Variants in WDR49 observed in about 807,000 individuals in gnomAD.
The protein encoded by WDR49 is WD repeat domain 49.
Under a neutral mutation model 119.5 loss-of-function variants are expected in WDR49, and 107 were observed. That is an observed-to-expected ratio of 0.90 (90% confidence interval 0.77 to 1.05). The LOEUF (loss-of-function observed/expected upper bound fraction) is 1.05. Among genes scored for constraint, WDR49 ranks in the 50% least tolerant of loss-of-function variants. The pLI is 0.00. For synonymous variants in WDR49, 425 were observed against 418.8 expected, an observed-to-expected ratio of 1.01 and a Z score of -0.18; for missense variants, 1,240 against 1,220.5, an observed-to-expected ratio of 1.02 and a Z score of -0.24.
intron 15 of WDR49, among the ~76,000 whole-genome samples, chr3:167,526,991 A>G (rs1205136110): frequency 6.6e-6 from 1 of 152,188 alleles, no homozygotes; most frequent in Non-Finnish European, 1.5e-5. Flanking sequence ...CACAAATGGA[A>G]CAGGAAAAGT....
chr3:167,536,848 G>T (rs777731967), intron 11 of WDR49, 22 bp downstream of exon 11: 1 of 1,462,960 alleles, frequency 6.8e-7, no homozygotes, highest in Admixed American at 2.4e-5. Flanking sequence ...ACCAATGATT[G>T]TCAAGTGAAA....
At chr3:167,521,998 A>G (rs1388205555) in intron 16 of WDR49, among the ~76,000 whole-genome samples, 1 of 146,148 alleles carries the variant, frequency 6.8e-6, no homozygotes, top group Non-Finnish European at 1.5e-5. Context: ...AGATAGATAG[A>G]TAGATAGATA....
chr3:167,604,192 T>C, intron 6 of WDR49, 109 bp downstream of exon 6: 3 of 1,257,774 alleles, frequency 2.4e-6, no homozygotes, highest in African/African-American at 1.5e-5. Flanking sequence ...CTTCTCGAGA[T>C]GGTCTCTATA....
At chr3:167,534,470 G>T (rs1198234182) in intron 11 of WDR49, among the ~76,000 whole-genome samples, 1 of 152,078 alleles carries the variant, frequency 6.6e-6, no homozygotes, top group African/African-American at 2.4e-5. Context: ...TCCCTGCAGG[G>T]GTGGCCTTCC....
At chr3:167,481,647 G>T (rs1401061595) in intron 18 of WDR49, among the ~76,000 whole-genome samples, 2 of 152,102 alleles carry the variant, frequency 1.3e-5, no homozygotes, top group Non-Finnish European at 2.9e-5. Context: ...AGCTTTAATT[G>T]GACTTAATAG....
At chr3:167,629,129 G>C (rs1053272959) in intron 2 of WDR49, among the ~76,000 whole-genome samples, 1 of 152,068 alleles carries the variant, frequency 6.6e-6, no homozygotes, top group Non-Finnish European at 1.5e-5. Flanking sequence ...TCGTGAGCCT[G>C]TAGTCTTAGT....
At chr3:167,535,255 CA>C (rs145026673) in intron 11 of WDR49, among the ~76,000 whole-genome samples, 1 of 151,920 alleles carries the variant, frequency 6.6e-6, no homozygotes, top group Non-Finnish European at 1.5e-5. Flanking sequence ...GCTGCTTCTT[CA>C]AAAATCTATT....
At chr3:167,575,753 C>A (rs1054068080) in intron 8 of WDR49, among the ~76,000 whole-genome samples, 165 bp downstream of exon 8, 28 of 152,222 alleles carry the variant, frequency 1.8e-4, no homozygotes, top group Non-Finnish European at 1.0e-4. Context: ...TCCAAGTCCA[C>A]CTGAATGTAT....
chr3:167,614,993 TC>T, intron 5 of WDR49, among the ~76,000 whole-genome samples: 1 of 152,334 alleles, frequency 6.6e-6, no homozygotes, highest in East Asian at 1.9e-4. Context: ...TACATTTGAA[TC>T]CATCCTGCCT....
In WDR49 at chr3:167,530,033, T is replaced by G. The variant is rs1752788782; in HGVS notation, c.2219-794A>C. Among the ~76,000 whole-genome samples, 2 of 152,088 alleles carry G rather than the reference T, an allele frequency of 1.3e-5. 1 individual carries two copies. The highest frequency in any genetic ancestry group is 4.1e-4 in the South Asian group (2 of 4,826). ...CTGGGAATACTGATAACATTAAAAT[T>G]AGTATTGAGGAAATGAGAGTAATTT... On this transcript the variant is annotated intron_variant, in intron 13 of 18. Transcript: ENST00000682715.
intron 18 of WDR49, among the ~76,000 whole-genome samples, chr3:167,493,075 GGA>G (rs1408604249): frequency 6.6e-6 from 1 of 152,082 alleles, no homozygotes; most frequent in Non-Finnish European, 1.5e-5. Flanking sequence ...AAAGAGTAAT[GGA>G]GAGACACTGG....
upstream of WDR49, among the ~76,000 whole-genome samples, chr3:167,657,544 C>A (rs1433236484): frequency 1.3e-5 from 2 of 148,602 alleles, no homozygotes; most frequent in African/African-American, 5.0e-5. Flanking sequence ...TCCCCCCCCA[C>A]AATTTATCCC....
intron 3 of WDR49, among the ~76,000 whole-genome samples, chr3:167,623,946 A>T (rs1294956152): frequency 6.6e-6 from 1 of 152,014 alleles, no homozygotes; most frequent in Non-Finnish European, 1.5e-5. Context: ...GGCGGTGTTA[A>T]GAGAATGTAA....
At chr3:167,656,820 C>T (rs1272540945), upstream of WDR49, among the ~76,000 whole-genome samples, 1 of 152,138 alleles carries the variant, frequency 6.6e-6, no homozygotes, top group Non-Finnish European at 1.5e-5. Flanking sequence ...TGCCATGAAT[C>T]AAGTATGATA....
intron 7 of WDR49, among the ~76,000 whole-genome samples, chr3:167,580,418 C>T (rs1272848443): frequency 1.3e-5 from 2 of 152,138 alleles, no homozygotes; most frequent in Non-Finnish European, 2.9e-5. Context: ...CTATGATGCT[C>T]GAGAAATCTC....
intron 18 of WDR49, among the ~76,000 whole-genome samples, chr3:167,495,965 C>A (rs1186437529): frequency 1.4e-5 from 2 of 143,996 alleles, no homozygotes; most frequent in African/African-American, 5.1e-5. Flanking sequence ...CTTTCAGAGT[C>A]AAAATGAAAT....
chr3:167,534,602 T>C (rs963840744), intron 11 of WDR49, among the ~76,000 whole-genome samples: 5 of 152,152 alleles, frequency 3.3e-5, no homozygotes, highest in African/African-American at 1.2e-4. Flanking sequence ...TAACACTTCA[T>C]AGATACCCTG....
intron 7 of WDR49, among the ~76,000 whole-genome samples, chr3:167,600,586 T>C (rs1414254173): frequency 1.3e-5 from 2 of 152,152 alleles, no homozygotes; most frequent in Non-Finnish European, 2.9e-5. Context: ...TCTTGCTCCA[T>C]CCCTATTTTA....
At position 167,534,085 on chromosome 3, in the gene WDR49, C is replaced by A. The variant is rs75833343; in HGVS notation, c.1955-1108G>T. ...TGGCATGTGCCTGTAATCCCAGCTA[C>A]TAGGGAGGCTGAGGCAGCAGAATCA... On this transcript the variant is annotated intron_variant, in intron 11 of 18. Coordinates refer to ENST00000682715, the MANE Select transcript of WDR49 (RefSeq NM_001366157.1). Among the ~76,000 whole-genome samples the A allele has an allele frequency of 5.5e-3, 833 of 151,866 alleles. 1 individual carries two copies. Among genetic ancestry groups the A allele is most frequent in the Non-Finnish European group, 9.0e-3 (614 of 67,916 alleles).
Sources: allele counts gnomAD v4.1 joint callset (sites outside exome capture counted in the v4.1 genomes callset), GRCh38; gene constraint gnomAD v4.1.1; transcripts MANE v1.5; gene names NCBI Gene and HGNC (gene_info 2026-07-23, HGNC 2026-07-21).